Variants in KIAA1549L observed in about 807,000 individuals in gnomAD.
The protein encoded by KIAA1549L is KIAA1549 like, also known as UPF0606 protein KIAA1549L.
KIAA1549L carries 88 observed loss-of-function variants against 160.7 expected under a neutral mutation model. The ratio of observed to expected loss-of-function variants is 0.55; its 90% CI spans 0.46 to 0.65. KIAA1549L has a LOEUF of 0.65. Ranked by LOEUF, KIAA1549L falls within the 30% of genes least tolerant of loss-of-function variation. KIAA1549L has a pLI of 0.00. For missense variants in KIAA1549L, 2,258 were observed against 2,437.5 expected (o/e 0.93, Z 1.55); for synonymous variants, 950 against 976.7 (o/e 0.97, Z 0.51).
intron 16 of KIAA1549L, among the ~76,000 whole-genome samples, chr11:33,620,043 T>C (rs1850916731): frequency 1.3e-5 from 2 of 152,206 alleles, no homozygotes; most frequent in Admixed American, 6.5e-5. Context: ...TTTAGTGAGA[T>C]TGTAGGCAAA....
intron 1 of KIAA1549L, chr11:33,403,374 CAGACACA>C (rs1850571251): frequency 1.1e-5 from 1 of 93,794 alleles, no homozygotes; most frequent in African/African-American, 3.6e-5. Context: ...CACATGCAGA[CAGACACA>C]TACAGGGACA....
At chr11:33,636,639 A>G (rs1448175348) in intron 16 of KIAA1549L, among the ~76,000 whole-genome samples, 1 of 152,164 alleles carries the variant, frequency 6.6e-6, no homozygotes, top group East Asian at 1.9e-4. Context: ...CCAAGAACGA[A>G]TCTTCTACCC....
chr11:33,507,583 G>A (rs776470138), intron 1 of KIAA1549L, among the ~76,000 whole-genome samples: 10 of 152,126 alleles, frequency 6.6e-5, no homozygotes, highest in South Asian at 2.1e-4. Context: ...GATACAGGCC[G>A]TTTTTGGTTC....
chr11:33,635,262 T>G lies in KIAA1549L; in HGVS notation c.5410-10424T>G, dbSNP rs1851408245. 2.6e-5 allele frequency among the ~76,000 whole-genome samples: 4 copies of G among 152,324 alleles called. No individual in the cohort carries two copies. In the South Asian group the frequency reaches 8.3e-4, roughly 32 times the overall value. On this transcript the variant is annotated intron_variant, in intron 16 of 20. Transcript: ENST00000658780. ...TAAATGGAGAGAAGTGGCACTGTTT[T>G]GTGTGGCCCAAAAGACTCCGATTGG...
intron 16 of KIAA1549L, among the ~76,000 whole-genome samples, chr11:33,640,922 C>T (rs1851564462): frequency 6.6e-6 from 1 of 152,196 alleles, no homozygotes; most frequent in Non-Finnish European, 1.5e-5. Flanking sequence ...TTTAAAAATA[C>T]ATTCTGTGTC....
chr11:33,430,009 C>T (rs865837993), intron 1 of KIAA1549L, among the ~76,000 whole-genome samples: 15 of 93,386 alleles, frequency 1.6e-4, no homozygotes, highest in African/African-American at 4.6e-4. Context: ...GCTCTGCCCT[C>T]CCTTCCTTCC....
At chr11:33,431,245 G>A (rs555675809) in intron 1 of KIAA1549L, among the ~76,000 whole-genome samples, 190 of 152,152 alleles carry the variant, frequency 1.2e-3, no homozygotes, top group Non-Finnish European at 2.4e-3. Context: ...ATTGCAAAGA[G>A]CGAAAGAGCA....
intron 1 of KIAA1549L, among the ~76,000 whole-genome samples, chr11:33,394,419 AAACAAAC>A (rs201821940): frequency 7.7e-5 from 2 of 25,902 alleles, no homozygotes; most frequent in Non-Finnish European, 1.3e-4. Context: ...ATAAATAAAT[AAACAAAC>A]AATAAACAAT....
rs752154667 is a variant in KIAA1549L at position 33,606,716 on chromosome 11, C to A, written c.4955C>A (p.Thr1652Lys). 1.9e-6 allele frequency: 3 copies of A among 1,613,974 alleles called. No homozygotes were observed. In the Admixed American group the frequency reaches 5.0e-5, roughly 27 times the overall value. Residue 1652 changes from threonine (T) to lysine (K), a missense_variant, in exon 14 of 21, where the codon ACA (threonine) becomes AAA (lysine). By Grantham distance (78) the Thr-to-Lys change is moderately conservative. Transcript: ENST00000658780. Reference protein sequence around the residue: ...SSKVAAEPFDTSSGSVQLIAI... With the variant: ...SSKVAAEPFDKSSGSVQLIAI... ...AAGGTGGCCGCTGAACCCTTTGACA[C>A]ATCTTCTGGGTCTGTGCAGCTCATT...
intron 1 of KIAA1549L, among the ~76,000 whole-genome samples, chr11:33,457,928 A>T (rs1264787036): frequency 6.6e-6 from 1 of 152,188 alleles, no homozygotes; most frequent in African/African-American, 2.4e-5. Context: ...TCTCTTCTAC[A>T]GTCCAGAACG....
Position 33,574,739 on chromosome 11 carries a change from C to T in KIAA1549L, c.4268C>T (p.Pro1423Leu). 1 of 1,613,764 alleles carries T rather than the reference C, an allele frequency of 6.2e-7. No individual in the cohort carries two copies. ...KMQRVPGPKDPAELTYYTLYN... is the reference protein window; with the variant it reads ...KMQRVPGPKDLAELTYYTLYN... ...CAGCGTGTCCCAGGCCCGAAGGACC[C>T]AGCGGAGCTGACTTACTATACCCTG... The change falls in exon 10 of 21, where the codon CCA becomes CTA. Residue 1423 changes from proline to leucine, a missense_variant. Pro to Leu is a moderately conservative substitution (Grantham distance 98). This residue lies in a region of KIAA1549L where 1,359 missense variants were observed against 1,546.6 expected (regional missense o/e 0.88). Coordinates refer to ENST00000658780, the MANE Select transcript of KIAA1549L (RefSeq NM_012194.3).
chr11:33,587,595 G>T (rs531841737), intron 11 of KIAA1549L, among the ~76,000 whole-genome samples: 2 of 152,364 alleles, frequency 1.3e-5, no homozygotes, highest in Admixed American at 6.5e-5. Context: ...CATACACAGG[G>T]ATTGTTGTGA....
In KIAA1549L at chr11:33,618,628, G is replaced by C; in HGVS notation, c.5375G>C (p.Arg1792Pro). The change falls in exon 16 of 21, where the codon CGA (arginine) becomes CCA (proline). Residue 1792 changes from arginine (R) to proline (P), a missense_variant. By Grantham distance (103) the Arg-to-Pro change is moderately radical (BLOSUM62 -2). Transcript: ENST00000658780. ...ATGGACCTTCTGGTGACTCGGGAGC[G>C]ACCCCGGCGTGGAATCCGCAACAGC... ...TEMDLLVTRERPRRGIRNSGY... is the reference protein window; with the variant it reads ...TEMDLLVTREPPRRGIRNSGY... 6.2e-7 allele frequency: 1 copy of C among 1,602,826 alleles called. No homozygotes were observed. The highest frequency in any genetic ancestry group is 1.7e-5 in the Admixed American group (1 of 58,434).
chr11:33,632,479 C>T (rs1454323128), intron 16 of KIAA1549L, among the ~76,000 whole-genome samples: 4 of 152,202 alleles, frequency 2.6e-5, no homozygotes, highest in African/African-American at 9.7e-5. Flanking sequence ...AGCTTAGTCC[C>T]AGCTAGCCCC....
intron 1 of KIAA1549L, among the ~76,000 whole-genome samples, chr11:33,511,180 G>A (rs1253821106): frequency 6.6e-6 from 1 of 152,160 alleles, no homozygotes; most frequent in African/African-American, 2.4e-5. Context: ...GCACAGGCAC[G>A]GCTGTGTTGG....
At chr11:33,550,098 G>C (rs1854407941) in intron 4 of KIAA1549L, among the ~76,000 whole-genome samples, 1 of 150,418 alleles carries the variant, frequency 6.6e-6, no homozygotes, top group African/African-American at 2.4e-5. Context: ...GATGAAAAGA[G>C]TTCTGGAAAT....
intron 9 of KIAA1549L, among the ~76,000 whole-genome samples, chr11:33,573,395 T>G (rs898084822): frequency 3.3e-5 from 5 of 152,174 alleles, no homozygotes; most frequent in Non-Finnish European, 7.4e-5. Flanking sequence ...AAATAGTATA[T>G]TATGTAGTTT....
chr11:33,394,049 AACTT>A (rs796141886), intron 1 of KIAA1549L, among the ~76,000 whole-genome samples: 5 of 152,280 alleles, frequency 3.3e-5, no homozygotes, highest in African/African-American at 9.6e-5. Context: ...GCCAGGTACT[AACTT>A]CTCTCCACAG....
chr11:33,557,516 A>T (rs950198308), intron 6 of KIAA1549L, among the ~76,000 whole-genome samples: 2 of 152,202 alleles, frequency 1.3e-5, no homozygotes, highest in African/African-American at 4.8e-5. Context: ...AAATACTTCC[A>T]TAGAAGAGAG....
Sources: gnomAD v4.1 joint callset for allele counts (sites outside exome capture counted in the v4.1 genomes callset) on GRCh38, gnomAD v4.1.1 for gene constraint, gnomAD v4.1.1 regional missense constraint, MANE v1.5 for transcripts, NCBI Gene and HGNC (gene_info 2026-07-23, HGNC 2026-07-21) for gene names.